The following BTK variants were observed in gnomAD, a reference collection of about 807,000 sequenced individuals.
BTK encodes Bruton tyrosine kinase.
In BTK, 5 loss-of-function variants were observed where a neutral mutation model predicts 57.4. The ratio of observed to expected loss-of-function variants is 0.09; its 90% CI spans 0.05 to 0.18. The LOEUF is 0.18. BTK is among the 10% of genes least tolerant of loss of function. The pLI, the probability that BTK is intolerant of heterozygous loss-of-function variation, is 1.00. For synonymous variants in BTK, 154 were observed against 174.3 expected (o/e 0.88, Z 0.92); for missense variants, 194 against 501.2 (o/e 0.39, Z 5.85).
chrX:101,351,035 A>C, intron 18 of BTK, among the ~76,000 whole-genome samples: 1 of 111,352 alleles, frequency 9.0e-6, no homozygotes, highest in South Asian at 3.7e-4. Flanking sequence ...TCGCTCTGTC[A>C]CTCAGGCCAG....
At position 101,355,770 on chromosome X, in the gene BTK, C is replaced by G. The variant is rs3027644; in HGVS notation, c.1566+282G>C. ...AAGCACAGTCCCTTCTGTTCCAAAT[C>G]CAGAATGGCCACTGAAAGACCCCAC... On this transcript the variant is annotated intron_variant, in intron 15 of 18. Transcript: ENST00000308731. The G allele has an allele frequency of 8.3e-3, 3,161 of 381,767 alleles. 34 individuals are homozygous for G. Among genetic ancestry groups the G allele is most frequent in the Admixed American group, 0.04 (930 of 23,343 alleles). 31.5% of individuals were successfully genotyped at this position (381,767 alleles called of 1,213,427 possible).
rs1411022418 is a variant in BTK at position 101,358,296 on chromosome X, C to T, written c.1102+14G>A. The T allele has an allele frequency of 4.1e-6, 5 of 1,210,066 alleles. No homozygotes were observed. Among genetic ancestry groups the T allele is most frequent in the Non-Finnish European group, 5.6e-6 (5 of 895,162 alleles). On this transcript the variant is annotated intron_variant, in intron 12 of 18. Coordinates refer to ENST00000308731, the MANE Select transcript of BTK (RefSeq NM_000061.3). ...GTGTCTGTAACTCCCTTCTCAGTTGCCCCTGGTACTCACCTGCAGAGTTGT... is the reference window on the plus strand; with the variant it reads ...GTGTCTGTAACTCCCTTCTCAGTTGTCCCTGGTACTCACCTGCAGAGTTGT...
upstream of BTK, among the ~76,000 whole-genome samples, chrX:101,389,950 C>T (rs1004254248): frequency 3.6e-5 from 4 of 111,220 alleles, no homozygotes; most frequent in African/African-American, 9.8e-5. Flanking sequence ...ATAGTAAGTG[C>T]GCCATAATTT....
chrX:101,377,367 T>C (rs994719304), intron 1 of BTK, among the ~76,000 whole-genome samples: 1 of 111,664 alleles, frequency 9.0e-6, no homozygotes, highest in Non-Finnish European at 1.9e-5. Flanking sequence ...CAAATTATAA[T>C]TAAGTACCTC....
rs1555976644 is a variant in BTK, at chrX:101,349,540, C to T, written c.*345G>A. The T allele has an allele frequency of 8.8e-6, 2 of 226,833 alleles. No individual in the cohort carries two copies. Among genetic ancestry groups the T allele is most frequent in the East Asian group, 6.5e-5 (1 of 15,327 alleles). The allele number at this position is 226,833 out of a possible 1,213,427, so 18.7% of individuals were successfully genotyped here. ...TCATTCTTGCCAAATTCGGTCCACC[C>T]CCACACACACACCCCCAAGCTCTAC... On this transcript the variant is annotated 3_prime_UTR_variant, in exon 19 of 19. Transcript: ENST00000308731.
intron 3 of BTK, among the ~76,000 whole-genome samples, chrX:101,373,642 T>A (rs782216830): frequency 3.4e-4 from 38 of 112,435 alleles, no homozygotes; most frequent in Middle Eastern, 4.6e-3. Context: ...TTGATAGTTG[T>A]TTTAACTGGG....
At chrX:101,360,290 G>A in intron 8 of BTK, 140 bp from the exon 9 acceptor site, 1 of 549,341 alleles carries the variant, frequency 1.8e-6, no homozygotes, top group Non-Finnish European at 3.2e-6. Flanking sequence ...AGACAATCAT[G>A]TCTCTGATGC....
intron 14 of BTK, 22 bp from the exon 15 acceptor site, chrX:101,356,290 A>G: frequency 8.5e-7 from 1 of 1,183,199 alleles, no homozygotes; most frequent in Non-Finnish European, 1.1e-6. Context: ...GCAAGGAACT[A>G]GTCTTCTCCT....
At chrX:101,375,095 C>T in intron 2 of BTK, 49 bp downstream of exon 2, 1 of 1,204,256 alleles carries the variant, frequency 8.3e-7, no homozygotes, top group African/African-American at 1.8e-5. Context: ...AGATCTAAGG[C>T]CAAGTCCTTG....
rs1410678512 is a variant in BTK at position 101,357,371 on chromosome X, T to G, written c.1177+138A>C. The G allele has an allele frequency of 7.1e-6, 4 of 563,849 alleles. No individual in the cohort carries two copies. In the East Asian group the frequency reaches 1.0e-4, roughly 15 times the overall value. 46.5% of individuals were successfully genotyped at this position (563,849 alleles called of 1,213,427 possible). A position where few individuals can be genotyped will look rare whatever the true frequency, so the allele number is the denominator to read the frequency against. ...AGGAAGAAAATCAGTGAATAACTTTTGCTTGGATCTGTCTTGAGCGTCCTT... is the reference window on the plus strand; with the variant it reads ...AGGAAGAAAATCAGTGAATAACTTTGGCTTGGATCTGTCTTGAGCGTCCTT... On this transcript the variant is annotated intron_variant, in intron 13 of 18. Transcript: ENST00000308731.
chrX:101,371,708 T>C lies in BTK; in HGVS notation c.241-7A>G, dbSNP rs782432803. The C allele has an allele frequency of 7.5e-6, 9 of 1,193,628 alleles. No individual in the cohort carries two copies. Among genetic ancestry groups the C allele is most frequent in the Non-Finnish European group, 1.0e-5 (9 of 880,063 alleles). ...TGGACTCTTCACCTCTTCTCTGTAA[T>C]GAAATAAGAAAAAATGGTTATTGGT... is the stretch of plus-strand genomic sequence containing the variant. On this transcript the variant is annotated splice_polypyrimidine_tract_variant and splice_region_variant and intron_variant, in intron 3 of 18. Coordinates refer to ENST00000308731, the MANE Select transcript of BTK (RefSeq NM_000061.3).
Position 101,362,706 on chromosome X carries a change from G to A in BTK, c.392-17C>T. 6.6e-6 allele frequency: 8 copies of A among 1,211,542 alleles called. No individual in the cohort carries two copies. Among genetic ancestry groups the A allele is most frequent in the Non-Finnish European group, 8.9e-6 (8 of 895,208 alleles). On this transcript the variant is annotated splice_polypyrimidine_tract_variant and intron_variant, in intron 5 of 18. Coordinates refer to ENST00000308731, the MANE Select transcript of BTK (RefSeq NM_000061.3). ...ACCGGATTACTGTAGCAGGAAAGAA[G>A]AGAGAGATCACATCTGACATGGAGG...
chrX:101,375,354 T>C, intron 1 of BTK, 40 bp from the exon 2 acceptor site: 2 of 1,160,439 alleles, frequency 1.7e-6, no homozygotes, highest in South Asian at 1.8e-5. Context: ...AGGACATTAA[T>C]CCTCATCCCT....
chrX:101,369,449 A>G (rs1926955598), intron 5 of BTK, among the ~76,000 whole-genome samples: 1 of 111,920 alleles, frequency 8.9e-6, no homozygotes, highest in Non-Finnish European at 1.9e-5. Flanking sequence ...CTCTGACTTC[A>G]AGCACTCTCA....
At chrX:101,369,145 A>G (rs1457123425) in intron 5 of BTK, among the ~76,000 whole-genome samples, 1 of 112,640 alleles carries the variant, frequency 8.9e-6, no homozygotes, top group African/African-American at 3.2e-5. Flanking sequence ...AAACTGTTCA[A>G]GTTTAGGTCC....
rs1569290824 is a variant in BTK, at chrX:101,353,250, T to G, written c.1852A>C (p.Arg618=). ...ACCTTCTCTGAAGCCAGATGAGGCCTGTAGAGACGTAGGCCTTGGGCAATG... is the reference window on the plus strand; with the variant it reads ...ACCTTCTCTGAAGCCAGATGAGGCCGGTAGAGACGTAGGCCTTGGGCAATG... ...EHIAQGLRLY[R]PHLASEKVYT... Residue 618 remains arginine, a synonymous_variant, in exon 18 of 19, where the codon AGG becomes CGG. Transcript: ENST00000308731. 1.7e-6 allele frequency: 2 copies of G among 1,210,513 alleles called. No homozygotes were observed. The highest frequency in any genetic ancestry group is 5.9e-5 in the East Asian group (2 of 33,854).
intron 1 of BTK, among the ~76,000 whole-genome samples, chrX:101,384,079 G>A (rs782446156): frequency 3.6e-5 from 4 of 111,639 alleles, no homozygotes; most frequent in African/African-American, 6.5e-5. Flanking sequence ...GGTGTAGAAG[G>A]GGGTATCTGA....
intron 18 of BTK, among the ~76,000 whole-genome samples, chrX:101,352,791 C>T (rs782764320): frequency 1.8e-5 from 2 of 109,806 alleles, no homozygotes; most frequent in Non-Finnish European, 3.8e-5. Context: ...CCCAGCTACT[C>T]GGGAGGCTAA....
At position 101,362,568 on chromosome X, in the gene BTK, C is replaced by T; in HGVS notation, c.513G>A (p.Arg171=). 8.3e-7 allele frequency: 1 copy of T among 1,211,951 alleles called. No homozygotes were observed. The highest frequency in any genetic ancestry group is 1.7e-5 in the African/African-American group (1 of 57,867). ...ATCGATCAGATTGCTTACTTCCATT[C>T]CTGTTCTCCAAAATTTGGCAGCCCA... ...NAMGCQILEN[R]NGSLKPGSSH... is the part of the protein sequence containing the mutation. Residue 171 remains arginine (R), a synonymous_variant, in exon 6 of 19, where the codon AGG becomes AGA. Transcript: ENST00000308731.
Sources: gnomAD v4.1 joint callset for allele counts (sites outside exome capture counted in the v4.1 genomes callset) on GRCh38, gnomAD v4.1.1 for gene constraint, MANE v1.5 for transcripts, NCBI Gene and HGNC (gene_info 2026-07-23, HGNC 2026-07-21) for gene names.